PCDHA4: variants seen among roughly 807,000 people sequenced by gnomAD.
PCDHA4 encodes protocadherin alpha-4.
A neutral mutation model predicts 61.4 loss-of-function variants in PCDHA4; 49 were observed. The ratio of observed to expected loss-of-function variants is 0.80; its 90% confidence interval spans 0.63 to 1.01. PCDHA4 has a LOEUF of 1.01. PCDHA4 is among the 50% of genes least tolerant of loss of function. The pLI is 0.00. For synonymous variants in PCDHA4, 590 were observed against 550.3 expected (o/e 1.07, Z -1.01); for missense variants, 1,254 against 1,235.8 (o/e 1.01, Z -0.22).
intron 1 of PCDHA4, chr5:140,927,689 G>A (rs781972370): frequency 5.6e-6 from 9 of 1,614,064 alleles, no homozygotes; most frequent in African/African-American, 2.7e-5. Flanking sequence ...GGGTCCAATG[G>A]GGAAGTCCAG....
At chr5:140,850,181 G>A (rs2150471604) in intron 1 of PCDHA4, 2 of 1,593,852 alleles carry the variant, frequency 1.3e-6, no homozygotes, top group East Asian at 2.2e-5. Context: ...ACGACAATGC[G>A]CCGGCGCTGC....
intron 3 of PCDHA4, among the ~76,000 whole-genome samples, chr5:141,004,084 T>C (rs2098151963): frequency 6.6e-6 from 1 of 152,234 alleles, no homozygotes; most frequent in Non-Finnish European, 1.5e-5. Context: ...GGTAGAAATG[T>C]GCTTCTTCCG....
At chr5:140,883,521 T>C in intron 1 of PCDHA4, 2 of 1,614,202 alleles carry the variant, frequency 1.2e-6, no homozygotes, top group Non-Finnish European at 1.7e-6. Flanking sequence ...CGCGAGAGCG[T>C]ATCAGCCTAT....
chr5:140,967,779 C>G, intron 1 of PCDHA4: 1 of 1,614,222 alleles, frequency 6.2e-7, no homozygotes, highest in Non-Finnish European at 8.5e-7. Flanking sequence ...GTGCAGGCGA[C>G]TGACCGGGGT....
intron 1 of PCDHA4, chr5:140,811,442 T>TATTGTGA (rs1436350910): frequency 1.3e-5 from 2 of 152,262 alleles, no homozygotes; most frequent in Admixed American, 1.3e-4. Context: ...AAGTCTTTGC[T>TATTGTGA]ATTGTGAATA....
intron 1 of PCDHA4, chr5:140,967,700 G>T: frequency 6.2e-7 from 1 of 1,614,196 alleles, no homozygotes; most frequent in Non-Finnish European, 8.5e-7. Context: ...CAGCATAGAT[G>T]CCAGTACCGG....
At chr5:140,872,418 A>G (rs2053650259) in intron 1 of PCDHA4, among the ~76,000 whole-genome samples, 2 of 152,014 alleles carry the variant, frequency 1.3e-5, no homozygotes, top group East Asian at 3.9e-4. Flanking sequence ...CTTGAGCCCA[A>G]GAGTTCGAGG....
At chr5:140,877,299 C>T in intron 1 of PCDHA4, 1 of 1,613,922 alleles carries the variant, frequency 6.2e-7, no homozygotes. Flanking sequence ...GGCTGTCCTA[C>T]GAGTTGCAAC....
At chr5:140,953,124 A>G (rs1554220816) in intron 1 of PCDHA4, among the ~76,000 whole-genome samples, 1 of 152,150 alleles carries the variant, frequency 6.6e-6, no homozygotes, top group African/African-American at 2.4e-5. Flanking sequence ...ACAGATCTAA[A>G]CCGTATCACT....
Position 140,884,220 on chromosome 5 carries a change from T to G in PCDHA4, c.2385+74648T>G, listed in dbSNP as rs1469726535. 4 of 1,613,408 alleles carry G rather than the reference T, an allele frequency of 2.5e-6. No homozygotes were observed. The highest frequency in any genetic ancestry group is 3.4e-6 in the Non-Finnish European group (4 of 1,179,728). On this transcript the variant is annotated intron_variant, in intron 1 of 3. Transcript: ENST00000530339. ...CCGCACCACCGCCTTCTGGTGCTGG[T>G]GAAGGACCACGGTGAGCCCGCGCTG...
chr5:140,927,839 G>T (rs782594719), intron 1 of PCDHA4: 1 of 1,614,208 alleles, frequency 6.2e-7, no homozygotes, highest in South Asian at 1.1e-5. Context: ...AGGGACGAAG[G>T]TGTCTTTGGT....
chr5:140,999,040 G>A (rs1450256691), intron 3 of PCDHA4, among the ~76,000 whole-genome samples: 2 of 152,218 alleles, frequency 1.3e-5, no homozygotes, highest in African/African-American at 2.4e-5. Context: ...TTCGTCCAGT[G>A]TGCTTTCCAC....
chr5:140,853,332 G>A (rs2042712938), intron 1 of PCDHA4: 2 of 984,708 alleles, frequency 2.0e-6, no homozygotes, highest in African/African-American at 3.5e-5. Flanking sequence ...TATCTTTTGA[G>A]GTCATTAGCA....
chr5:140,978,791 A>T (rs1443899144), intron 1 of PCDHA4, 158 bp from the exon 2 acceptor site: 1 of 976,042 alleles, frequency 1.0e-6, no homozygotes, highest in South Asian at 4.7e-5. Flanking sequence ...AAAGTGCTAT[A>T]TATGTAGATA....
intron 3 of PCDHA4, among the ~76,000 whole-genome samples, chr5:140,986,213 C>G (rs1554247816): frequency 6.6e-6 from 1 of 152,208 alleles, no homozygotes. Context: ...TTACTGGCCC[C>G]TTTCTCTAGC....
At chr5:140,851,471 A>C in intron 1 of PCDHA4, 1 of 893,552 alleles carries the variant, frequency 1.1e-6, no homozygotes, top group African/African-American at 1.8e-5. Context: ...ATGTCAATAA[A>C]TGTTATAAAC....
intron 1 of PCDHA4, among the ~76,000 whole-genome samples, chr5:140,886,931 G>A (rs1426144437): frequency 6.6e-6 from 1 of 151,756 alleles, no homozygotes; most frequent in Non-Finnish European, 1.5e-5. Context: ...CTATGTGCCA[G>A]GCATGTTCTA....
chr5:140,968,287 C>T lies in PCDHA4; in HGVS notation c.2386-10662C>T, dbSNP rs7712041. Reference sequence around the variant, plus strand: ...AGGAGAATGCAGAGGTGACCTACTCCCTTCTGGAGAGGGAGATTCAAGGGC... The same window carrying T: ...AGGAGAATGCAGAGGTGACCTACTCTCTTCTGGAGAGGGAGATTCAAGGGC... On this transcript the variant is annotated intron_variant, in intron 1 of 3. Coordinates refer to ENST00000530339, the MANE Select transcript of PCDHA4 (RefSeq NM_018907.4). The T allele has an allele frequency of 2.5e-3, 4,093 of 1,613,902 alleles. 64 individuals are homozygous for T. In the African/African-American group the frequency reaches 0.039, roughly 16 times the overall value.
chr5:140,945,430 T>C (rs1389561787), intron 1 of PCDHA4, among the ~76,000 whole-genome samples: 2 of 152,082 alleles, frequency 1.3e-5, no homozygotes, highest in African/African-American at 4.8e-5. Flanking sequence ...ATGAAGTTTT[T>C]ACAGAAATAT....
Sources: allele counts gnomAD v4.1 joint callset (sites outside exome capture counted in the v4.1 genomes callset), GRCh38; gene constraint gnomAD v4.1.1; transcripts MANE v1.5; gene names NCBI Gene and HGNC (gene_info 2026-07-23, HGNC 2026-07-21).